HIF1A: variants seen among roughly 807,000 people sequenced by gnomAD.
HIF1A encodes hypoxia-inducible factor 1-alpha.
In HIF1A, 24 loss-of-function variants were observed where a neutral mutation model predicts 92.7. The ratio of observed to expected loss-of-function variants is 0.26; its 90% CI spans 0.19 to 0.36. HIF1A has a LOEUF of 0.36. HIF1A is among the 10% of genes least tolerant of loss of function. HIF1A has a pLI of 1.00. For missense variants in HIF1A, 799 were observed against 998.5 expected, an observed-to-expected ratio of 0.80 and a Z score of 2.69; for synonymous variants, 319 against 338.7, an observed-to-expected ratio of 0.94 and a Z score of 0.64.
At chr14:61,721,291 T>C (rs2044424268) in intron 2 of HIF1A, among the ~76,000 whole-genome samples, 1 of 152,194 alleles carries the variant, frequency 6.6e-6, no homozygotes, top group Non-Finnish European at 1.5e-5. Context: ...TTCTTTCTTC[T>C]TCTATGGTTT....
Position 61,695,521 on chromosome 14 carries a change from G to T in HIF1A, c.-284G>T. On this transcript the variant is annotated 5_prime_UTR_variant, in exon 1 of 15. Coordinates refer to ENST00000337138, the MANE Select transcript of HIF1A (RefSeq NM_001530.4). ...CGCTGCCTCAGCTCCTCAGTGCACA[G>T]TGCTGCCTCGTCTGAGGGGACAGGA... is the stretch of plus-strand genomic sequence containing the variant. 2.0e-6 allele frequency: 1 copy of T among 494,150 alleles called. No homozygotes were observed. The highest frequency in any genetic ancestry group is 2.3e-5 in the South Asian group (1 of 43,536). 30.6% of individuals were successfully genotyped at this position (494,150 alleles called of 1,614,324 possible). A position where few individuals can be genotyped will look rare whatever the true frequency, so the allele number is the denominator to read the frequency against.
intron 1 of HIF1A, among the ~76,000 whole-genome samples, chr14:61,696,226 G>A (rs2044113946): frequency 6.6e-6 from 1 of 152,246 alleles, no homozygotes; most frequent in African/African-American, 2.4e-5. Flanking sequence ...GCTGCAGCTC[G>A]GTAGCCGCGG....
intron 1 of HIF1A, among the ~76,000 whole-genome samples, chr14:61,707,373 G>A (rs895957375): frequency 1.3e-5 from 2 of 152,000 alleles, no homozygotes; most frequent in African/African-American, 4.8e-5. Flanking sequence ...AGTTACATAT[G>A]TATACATGTG....
At chr14:61,725,294 T>G (rs2044490032) in intron 4 of HIF1A, among the ~76,000 whole-genome samples, 1 of 152,258 alleles carries the variant, frequency 6.6e-6, no homozygotes, top group African/African-American at 2.4e-5. Flanking sequence ...GTGGCGTATC[T>G]TACTCATCTT....
intron 6 of HIF1A, among the ~76,000 whole-genome samples, chr14:61,732,206 C>A (rs1243677279): frequency 6.6e-6 from 1 of 152,134 alleles, no homozygotes; most frequent in African/African-American, 2.4e-5. Context: ...CAGGAGGAAT[C>A]TAGAGGACTT....
intron 6 of HIF1A, among the ~76,000 whole-genome samples, chr14:61,730,319 A>G (rs549280541): frequency 2.2e-4 from 33 of 152,342 alleles, no homozygotes; most frequent in African/African-American, 7.2e-4. Flanking sequence ...AGGAAAGCAT[A>G]TACAGTTTAT....
At chr14:61,713,205 C>G (rs1449927285) in intron 1 of HIF1A, among the ~76,000 whole-genome samples, 1 of 152,082 alleles carries the variant, frequency 6.6e-6, no homozygotes, top group Non-Finnish European at 1.5e-5. Context: ...ATAATTAGAC[C>G]TTGTCCTGTG....
At chr14:61,739,468 T>C (rs2044679811) in intron 10 of HIF1A, among the ~76,000 whole-genome samples, 1 of 152,174 alleles carries the variant, frequency 6.6e-6, no homozygotes, top group African/African-American at 2.4e-5. Flanking sequence ...GGTAAATAAT[T>C]CTACATTAGG....
rs774872613 is a variant in HIF1A, at chr14:61,741,033, C to T, written c.1938C>T (p.His646=). Residue 646 remains histidine, a synonymous_variant, in exon 12 of 15, where the codon CAC becomes CAT. Transcript: ENST00000337138. ...KILIASPSPT[H]IHKETTSATS... ...TGATTGCATCTCCATCTCCTACCCACATACATAAAGAAACTACTAGTGCCA... is the reference window on the plus strand; with the variant it reads ...TGATTGCATCTCCATCTCCTACCCATATACATAAAGAAACTACTAGTGCCA... The T allele has an allele frequency of 6.2e-7, 1 of 1,614,112 alleles. No individual in the cohort carries two copies. Among genetic ancestry groups the T allele is most frequent in the Non-Finnish European group, 8.5e-7 (1 of 1,179,942 alleles).
chr14:61,732,174 A>C (rs765262947), intron 6 of HIF1A, among the ~76,000 whole-genome samples: 2 of 152,190 alleles, frequency 1.3e-5, no homozygotes, highest in African/African-American at 2.4e-5. Context: ...GTTTGGGTGA[A>C]CAGGATTAAA....
At chr14:61,724,856 G>C in intron 4 of HIF1A, among the ~76,000 whole-genome samples, 1 of 152,206 alleles carries the variant, frequency 6.6e-6, no homozygotes, top group Middle Eastern at 3.4e-3. Flanking sequence ...TTTTCCTTAA[G>C]TTACTGATTG....
chr14:61,737,519 T>C (rs2044651648), intron 9 of HIF1A, among the ~76,000 whole-genome samples: 1 of 152,202 alleles, frequency 6.6e-6, no homozygotes, highest in Non-Finnish European at 1.5e-5. Context: ...GTAGAGAACA[T>C]TTTAATGTAT....
chr14:61,742,916 A>G (rs967835562), intron 12 of HIF1A, among the ~76,000 whole-genome samples: 1 of 119,292 alleles, frequency 8.4e-6, no homozygotes, highest in Non-Finnish European at 1.8e-5. Context: ...AAGTTGTTGG[A>G]CTGACAGATG....
intron 12 of HIF1A, among the ~76,000 whole-genome samples, chr14:61,742,811 G>C (rs1305335654): frequency 3.3e-5 from 5 of 149,646 alleles, no homozygotes; most frequent in African/African-American, 1.2e-4. Flanking sequence ...CTTGAACCCT[G>C]GAGGTGGAGG....
chr14:61,739,000 C>T (rs2044673655), intron 10 of HIF1A, among the ~76,000 whole-genome samples: 2 of 152,144 alleles, frequency 1.3e-5, no homozygotes, highest in African/African-American at 2.4e-5. Flanking sequence ...ATCCTCCTGC[C>T]TTGGCCTCCC....
intron 4 of HIF1A, among the ~76,000 whole-genome samples, chr14:61,723,835 T>C (rs1178104211): frequency 6.6e-6 from 1 of 152,214 alleles, no homozygotes; most frequent in East Asian, 1.9e-4. Flanking sequence ...ATGTTCTTTT[T>C]TAAAGCACAC....
At chr14:61,697,046 G>GT (rs1203838198) in intron 1 of HIF1A, among the ~76,000 whole-genome samples, 4 of 152,192 alleles carry the variant, frequency 2.6e-5, no homozygotes, top group Non-Finnish European at 4.4e-5. Context: ...AAGATTTAGA[G>GT]TAAGAGTTTT....
intron 10 of HIF1A, among the ~76,000 whole-genome samples, chr14:61,738,919 T>TTGTG (rs1472322225): frequency 6.6e-6 from 1 of 151,698 alleles, no homozygotes; most frequent in African/African-American, 2.4e-5. Context: ...TAACCTTTTT[T>TTGTG]TGTGTGTGTG....
chr14:61,736,084 T>G (rs901792749), intron 8 of HIF1A, among the ~76,000 whole-genome samples: 1 of 151,494 alleles, frequency 6.6e-6, no homozygotes, highest in South Asian at 2.1e-4. Flanking sequence ...GCTCAAGTGA[T>G]TCTCATGCCT....
Sources: gnomAD v4.1 joint callset for allele counts (sites outside exome capture counted in the v4.1 genomes callset) on GRCh38, gnomAD v4.1.1 for gene constraint, MANE v1.5 for transcripts, NCBI Gene and HGNC (gene_info 2026-07-23, HGNC 2026-07-21) for gene names.